Variants in RPE observed in about 807,000 individuals in gnomAD.
The protein encoded by RPE is ribulose-phosphate 3-epimerase.
A neutral mutation model predicts 24.6 loss-of-function variants in RPE; 16 were observed. The observed-to-expected ratio is 0.65, with a 90% CI of 0.44 to 0.99. The LOEUF is 0.99. Ranked by LOEUF, RPE falls within the 50% of genes least tolerant of loss-of-function variation. The pLI is 0.00. For synonymous variants in RPE, 93 were observed against 98.4 expected (o/e 0.94, Z 0.33); for missense variants, 240 against 294.5 (o/e 0.81, Z 1.35).
rs529691583 is a variant in RPE at position 210,021,829 on chromosome 2, G to T, written c.*2038G>T. The T allele has an allele frequency of 7.9e-4, 120 of 151,432 alleles. No individual in the cohort carries two copies. The highest frequency in any genetic ancestry group is 2.7e-3 in the African/African-American group (113 of 41,274). 9.4% of individuals were successfully genotyped at this position (151,432 alleles called of 1,614,324 possible). A position where few individuals can be genotyped will look rare whatever the true frequency, so the allele number is the denominator to read the frequency against. ...AATTTTCTTTCATGTATACTCTTCA[G>T]TATCCAATATTGAAGCTTTGTTCTT... On this transcript the variant is annotated 3_prime_UTR_variant, in exon 6 of 6. Coordinates refer to ENST00000359429, the MANE Select transcript of RPE (RefSeq NM_199229.3).
intron 1 of RPE, among the ~76,000 whole-genome samples, chr2:210,008,569 A>G (rs2093661362): frequency 7.1e-6 from 1 of 140,118 alleles, no homozygotes. Flanking sequence ...CTGGGATTAC[A>G]GGTGTGAGCC....
At position 210,020,539 on chromosome 2, in the gene RPE, A is replaced by G. The variant is rs1373204822; in HGVS notation, c.*748A>G. On this transcript the variant is annotated 3_prime_UTR_variant, in exon 6 of 6. Coordinates refer to ENST00000359429, the MANE Select transcript of RPE (RefSeq NM_199229.3). The stretch of plus-strand genomic sequence containing the variant: ...CCCCTTTCTAGCTGGACCTTTAACA[A>G]ATCACCCAATCTTTTTTGTGTTTCT... The G allele has an allele frequency of 6.0e-6, 1 of 166,942 alleles. No individual in the cohort carries two copies. The highest frequency in any genetic ancestry group is 1.5e-5 in the Non-Finnish European group (1 of 68,098). The allele number at this position is 166,942 out of a possible 1,614,324, so 10.3% of individuals were successfully genotyped here.
At chr2:210,008,558 G>A (rs2093661101) in intron 1 of RPE, among the ~76,000 whole-genome samples, 4 of 150,044 alleles carry the variant, frequency 2.7e-5, no homozygotes, top group Admixed American at 2.0e-4. Context: ...CTCCCAAAGT[G>A]CTGGGATTAC....
In RPE at chr2:210,022,070, G is replaced by A. The variant is rs142794820; in HGVS notation, c.*2279G>A. The A allele has an allele frequency of 2.2e-4, 33 of 146,708 alleles. 1 individual carries two copies. The East Asian group carries it at 6.6e-3, about 29-fold the overall frequency. 9.1% of individuals were successfully genotyped at this position (146,708 alleles called of 1,614,324 possible). On this transcript the variant is annotated 3_prime_UTR_variant, in exon 6 of 6. Coordinates refer to ENST00000359429, the MANE Select transcript of RPE (RefSeq NM_199229.3). ...GTTTGTGGCTCATTTTAAAACTGGT[G>A]TCTTCTCTTCATGAGACACATTAAT...
At chr2:210,008,205 G>A (rs2093654793) in intron 1 of RPE, among the ~76,000 whole-genome samples, 1 of 152,058 alleles carries the variant, frequency 6.6e-6, no homozygotes, top group Non-Finnish European at 1.5e-5. Context: ...TCTGTCATAG[G>A]AACTGTAGCG....
intron 5 of RPE, 45 bp from the exon 6 acceptor site, chr2:210,019,624 C>G: frequency 1.9e-6 from 3 of 1,593,202 alleles, no homozygotes; most frequent in South Asian, 2.3e-5. Context: ...TTAGGTTTTT[C>G]TACATTTTCC....
chr2:210,005,334 A>G (rs1345496921), intron 1 of RPE, among the ~76,000 whole-genome samples: 2 of 151,808 alleles, frequency 1.3e-5, no homozygotes, highest in African/African-American at 4.8e-5. Flanking sequence ...CCCCACTAAG[A>G]CCTCCAATTT....
At chr2:210,018,993 A>T (rs2093818329) in intron 5 of RPE, among the ~76,000 whole-genome samples, 1 of 152,212 alleles carries the variant, frequency 6.6e-6, no homozygotes, top group Non-Finnish European at 1.5e-5. Context: ...TCTAGCAATG[A>T]ATCACAAAAC....
intron 1 of RPE, 99 bp from the exon 2 acceptor site, chr2:210,009,558 T>C (rs567228463): frequency 6.8e-7 from 1 of 1,478,434 alleles, no homozygotes; most frequent in African/African-American, 1.4e-5. Context: ...TTGAAAAACA[T>C]TGCAGACAAT....
Position 210,019,845 on chromosome 2 carries a change from C to T in RPE, c.*54C>T. 1 of 1,568,852 alleles carries T rather than the reference C, an allele frequency of 6.4e-7. No individual in the cohort carries two copies. Among genetic ancestry groups the T allele is most frequent in the Non-Finnish European group, 8.7e-7 (1 of 1,155,354 alleles). Reference sequence around the variant, plus strand: ...ATGAAATCTCCCTTTTACTGGAAAACAGGAATATTGACTACCAAATCACAA... The same window carrying T: ...ATGAAATCTCCCTTTTACTGGAAAATAGGAATATTGACTACCAAATCACAA... On this transcript the variant is annotated 3_prime_UTR_variant, in exon 6 of 6. Transcript: ENST00000359429.
At chr2:210,009,596 TGA>T (rs1222328620) in intron 1 of RPE, 59 bp from the exon 2 acceptor site, 2 of 1,599,954 alleles carry the variant, frequency 1.3e-6, no homozygotes, top group Non-Finnish European at 1.7e-6. Flanking sequence ...GAATTCATAT[TGA>T]GAGAGATACA....
At position 210,015,975 on chromosome 2, in the gene RPE, A is replaced by T; in HGVS notation, c.205A>T (p.Met69Leu). The T allele has an allele frequency of 6.2e-7, 1 of 1,613,704 alleles. No individual in the cohort carries two copies. Among genetic ancestry groups the T allele is most frequent in the Non-Finnish European group, 8.5e-7 (1 of 1,179,880 alleles). Residue 69 changes from methionine (M) to leucine (L), a missense_variant and splice_region_variant, in exon 3 of 6, where the codon ATG becomes TTG. Coordinates refer to ENST00000359429, the MANE Select transcript of RPE (RefSeq NM_199229.3). ...TTTGAAGTGTCTTTTCTTTCTAGAC[A>T]TGCACATGATGGTGTCCAAGCCAGA... Reference protein sequence around the residue: ...KQLGQDPFFDMHMMVSKPEQW... With the variant: ...KQLGQDPFFDLHMMVSKPEQW...
chr2:210,016,505 A>G lies in RPE; in HGVS notation c.343-2A>G, dbSNP rs1483786329. ...GATATAGCATATTTGTGTCTGTTAC[A>G]GGTTGGCCTTGCCATCAAACCAGGA... On this transcript the variant is annotated splice_acceptor_variant, in intron 3 of 5. Transcript: ENST00000359429. LOFTEE classifies it high-confidence loss of function. 1 of 1,614,158 alleles carries G rather than the reference A, an allele frequency of 6.2e-7. No homozygotes were observed. The highest frequency in any genetic ancestry group is 8.5e-7 in the Non-Finnish European group (1 of 1,180,058).
chr2:210,003,068 A>T (rs1290310061), intron 1 of RPE, among the ~76,000 whole-genome samples: 1 of 152,118 alleles, frequency 6.6e-6, no homozygotes, highest in Non-Finnish European at 1.5e-5. Flanking sequence ...AATCTTTAGG[A>T]CATTTCTTCA....
At chr2:210,004,021 A>G (rs552472990) in intron 1 of RPE, among the ~76,000 whole-genome samples, 70 of 152,338 alleles carry the variant, frequency 4.6e-4, no homozygotes, top group African/African-American at 1.7e-3. Flanking sequence ...TTAATTGGCC[A>G]TTATATGTAA....
At chr2:210,006,390 A>T (rs1343109033) in intron 1 of RPE, among the ~76,000 whole-genome samples, 1 of 152,020 alleles carries the variant, frequency 6.6e-6, no homozygotes, top group Non-Finnish European at 1.5e-5. Context: ...GTTATGGCTT[A>T]GCGTAGCCTT....
chr2:210,003,249 A>G (rs1056247053), intron 1 of RPE, among the ~76,000 whole-genome samples: 2 of 152,098 alleles, frequency 1.3e-5, no homozygotes, highest in Non-Finnish European at 2.9e-5. Context: ...CAAGCCACTA[A>G]CCTCATTGAG....
At chr2:210,012,600 C>T (rs1184196981) in intron 2 of RPE, among the ~76,000 whole-genome samples, 1 of 152,210 alleles carries the variant, frequency 6.6e-6, no homozygotes, top group Non-Finnish European at 1.5e-5. Context: ...TCTGAACTAG[C>T]TGCTTTCCTC....
chr2:210,008,735 G>A (rs1044312987), intron 1 of RPE, among the ~76,000 whole-genome samples: 4 of 151,946 alleles, frequency 2.6e-5, no homozygotes, highest in African/African-American at 4.8e-5. Context: ...TCGCTTTGTC[G>A]CCCAGGCTGG....
Sources: allele counts gnomAD v4.1 joint callset (sites outside exome capture counted in the v4.1 genomes callset), GRCh38; gene constraint gnomAD v4.1.1; transcripts MANE v1.5; gene names NCBI Gene and HGNC (gene_info 2026-07-23, HGNC 2026-07-21).